Variants in PRKAR1B observed in about 807,000 individuals in gnomAD.
PRKAR1B encodes protein kinase cAMP-dependent type I regulatory subunit beta.
Under a neutral mutation model 46.5 loss-of-function variants are expected in PRKAR1B, and 22 were observed. The observed-to-expected ratio is 0.47, with a 90% confidence interval of 0.34 to 0.68. PRKAR1B has a LOEUF of 0.68. Ranked by LOEUF, PRKAR1B falls within the 30% of genes least tolerant of loss-of-function variation. The pLI, the probability that PRKAR1B is intolerant of heterozygous loss-of-function variation, is 0.01. For missense variants in PRKAR1B, 445 were observed against 535.6 expected (o/e 0.83, Z 1.67); for synonymous variants, 259 against 217.7 (o/e 1.19, Z -1.67).
At chr7:615,225 A>T (rs971034185) in intron 4 of PRKAR1B, among the ~76,000 whole-genome samples, 3 of 151,854 alleles carry the variant, frequency 2.0e-5, no homozygotes, top group Non-Finnish European at 4.4e-5. Flanking sequence ...GAAGATCGAG[A>T]CCATCCTGGC....
At chr7:559,721 C>T (rs1355308332) in intron 9 of PRKAR1B, among the ~76,000 whole-genome samples, 1 of 152,188 alleles carries the variant, frequency 6.6e-6, no homozygotes, top group Admixed American at 6.5e-5. Flanking sequence ...GGAAAAGGCA[C>T]ATGCACCCCA....
intron 4 of PRKAR1B, among the ~76,000 whole-genome samples, chr7:646,270 C>T (rs1305553551): frequency 6.6e-6 from 1 of 152,228 alleles, no homozygotes; most frequent in Non-Finnish European, 1.5e-5. Flanking sequence ...TCTCAAACTC[C>T]TGGATTCAAG....
At chr7:592,387 G>A (rs1311119653) in intron 7 of PRKAR1B, among the ~76,000 whole-genome samples, 1 of 152,212 alleles carries the variant, frequency 6.6e-6, no homozygotes, top group Non-Finnish European at 1.5e-5. Context: ...CGGCCCCATT[G>A]GCTGTGCGGA....
intron 4 of PRKAR1B, among the ~76,000 whole-genome samples, chr7:649,487 T>C (rs889283216): frequency 3.3e-5 from 5 of 152,246 alleles, no homozygotes; most frequent in Admixed American, 2.6e-4. Flanking sequence ...AATTATTCAA[T>C]TGAAGAAGTA....
At chr7:583,610 TCACACGTG>T (rs1780406275) in intron 8 of PRKAR1B, among the ~76,000 whole-genome samples, 3 of 48,922 alleles carry the variant, frequency 6.1e-5, no homozygotes, top group Non-Finnish European at 1.2e-4. Context: ...ACACACCCCC[TCACACGTG>T]CACACTCAAA....
Position 551,375 on chromosome 7 carries a change from C to T in PRKAR1B, c.973+14G>A, listed in dbSNP as rs1461144954. 4 of 1,552,098 alleles carry T rather than the reference C, an allele frequency of 2.6e-6. No homozygotes were observed. The highest frequency in any genetic ancestry group is 1.2e-5 in the South Asian group (1 of 84,214). ...CCACAGCCGTGCGAGGGAGGGGACG[C>T]CCACTGGACTCACCGAAGTAGTCAG... On this transcript the variant is annotated intron_variant, in intron 10 of 10. Coordinates refer to ENST00000537384, the MANE Select transcript of PRKAR1B (RefSeq NM_001164760.2).
chr7:680,546 T>G lies in PRKAR1B; in HGVS notation c.348+10A>C. 1.2e-6 allele frequency: 2 copies of G among 1,604,902 alleles called. No individual in the cohort carries two copies. The highest frequency in any genetic ancestry group is 1.1e-5 in the South Asian group (1 of 90,556). ...CTGGGGACAGGAACCCCGTGACCCG[T>G]GAGCCTCACCTTCCTGACGTAGGAC... On this transcript the variant is annotated intron_variant, in intron 3 of 10. Coordinates refer to ENST00000537384, the MANE Select transcript of PRKAR1B (RefSeq NM_001164760.2).
chr7:614,732 T>G (rs1224176160), intron 4 of PRKAR1B, among the ~76,000 whole-genome samples: 1 of 152,142 alleles, frequency 6.6e-6, no homozygotes, highest in African/African-American at 2.4e-5. Flanking sequence ...ACCAACATGG[T>G]GAAACCCTGT....
chr7:603,278 G>A (rs1364977806), intron 6 of PRKAR1B: 3 of 152,442 alleles, frequency 2.0e-5, no homozygotes, highest in East Asian at 3.9e-4. Context: ...AGGGAGGCAG[G>A]TCCTCGGTCA....
Position 596,228 on chromosome 7 carries a change from G to A in PRKAR1B, c.626C>T (p.Thr209Ile). Residue 209 changes from threonine (T) to isoleucine (I), a missense_variant, in exon 7 of 11, where the codon ACC becomes ATC. Thr to Ile is a moderately conservative substitution (Grantham distance 89). Transcript: ENST00000537384. ...SFGELALIYG[T>I]PRAATVKAKT... is the part of the protein sequence containing the mutation. Reference sequence around the variant, plus strand: ...GGCTTTCACGGTCGCAGCCCTGGGGGTGCCGTAGATGAGCGCCAGCTCCCC... The same window carrying A: ...GGCTTTCACGGTCGCAGCCCTGGGGATGCCGTAGATGAGCGCCAGCTCCCC... 1 of 1,614,026 alleles carries A rather than the reference G, an allele frequency of 6.2e-7. No homozygotes were observed. The highest frequency in any genetic ancestry group is 8.5e-7 in the Non-Finnish European group (1 of 1,179,972).
At chr7:642,127 C>T (rs945753280) in intron 4 of PRKAR1B, among the ~76,000 whole-genome samples, 2 of 152,210 alleles carry the variant, frequency 1.3e-5, no homozygotes, top group African/African-American at 4.8e-5. Flanking sequence ...AACTCCTGAG[C>T]TCAAGCGATC....
chr7:669,621 A>C (rs1219356536), intron 4 of PRKAR1B, among the ~76,000 whole-genome samples: 2 of 151,734 alleles, frequency 1.3e-5, no homozygotes, highest in African/African-American at 2.4e-5. Flanking sequence ...AAAATTAGCC[A>C]GGTGTGGTGG....
At chr7:676,659 G>A (rs1307101943) in intron 4 of PRKAR1B, among the ~76,000 whole-genome samples, 2 of 152,256 alleles carry the variant, frequency 1.3e-5, no homozygotes, top group Non-Finnish European at 1.5e-5. Context: ...ATTTCGGGAA[G>A]CCACCCCTGC....
At chr7:581,696 C>T (rs964659492) in intron 8 of PRKAR1B, among the ~76,000 whole-genome samples, 8 of 152,072 alleles carry the variant, frequency 5.3e-5, no homozygotes, top group African/African-American at 1.9e-4. Context: ...GAAGAAACCA[C>T]AGGGAGATGG....
chr7:690,899 G>A (rs920115449), intron 2 of PRKAR1B, among the ~76,000 whole-genome samples: 17 of 152,212 alleles, frequency 1.1e-4, no homozygotes, highest in South Asian at 2.1e-4. Context: ...CGGGCCTGGC[G>A]GCTGGTGTCT....
upstream of PRKAR1B, among the ~76,000 whole-genome samples, chr7:728,875 GC>G (rs1275931698): frequency 1.1e-4 from 16 of 152,198 alleles, no homozygotes; most frequent in African/African-American, 3.1e-4. Context: ...CTGGGCAACG[GC>G]AGAGAGGTTG....
chr7:614,011 C>T (rs978180382), intron 4 of PRKAR1B, among the ~76,000 whole-genome samples: 3 of 152,234 alleles, frequency 2.0e-5, no homozygotes, highest in Admixed American at 2.0e-4. Flanking sequence ...ACCCAGGGAA[C>T]CGGACTGTGA....
At chr7:580,240 AAAAAAAG>A (rs1165128949) in intron 8 of PRKAR1B, among the ~76,000 whole-genome samples, 34 of 151,550 alleles carry the variant, frequency 2.2e-4, no homozygotes, top group Admixed American at 7.2e-4. Flanking sequence ...CAAAAAAAAA[AAAAAAAG>A]AAAAAAGAAA....
intron 4 of PRKAR1B, among the ~76,000 whole-genome samples, chr7:657,633 A>C (rs992536556): frequency 3.9e-5 from 6 of 152,180 alleles, no homozygotes; most frequent in Non-Finnish European, 5.9e-5. Flanking sequence ...GGGCAGTCTG[A>C]ATATTTGGAC....
Sources: allele counts gnomAD v4.1 joint callset (sites outside exome capture counted in the v4.1 genomes callset), GRCh38; gene constraint gnomAD v4.1.1; transcripts MANE v1.5; gene names NCBI Gene and HGNC (gene_info 2026-07-23, HGNC 2026-07-21).